Variants in PTPRD observed in about 807,000 individuals in gnomAD.
PTPRD encodes the protein receptor-type tyrosine-protein phosphatase delta.
PTPRD carries 34 observed loss-of-function variants against 214.5 expected under a neutral mutation model. The observed-to-expected ratio is 0.16, with a 90% CI of 0.12 to 0.21. The LOEUF (loss-of-function observed/expected upper bound fraction) is 0.21. Among genes scored for constraint, PTPRD ranks in the 10% least tolerant of loss-of-function variants. The pLI is 1.00. For synonymous variants in PTPRD, 1,128 were observed against 845.7 expected (o/e 1.33, Z -5.79); for missense variants, 2,545 against 2,398.7 (o/e 1.06, Z -1.27).
intron 9 of PTPRD, among the ~76,000 whole-genome samples, chr9:9,273,398 GCTCT>G (rs1321339689): frequency 6.6e-6 from 1 of 151,174 alleles, no homozygotes; most frequent in Non-Finnish European, 1.5e-5. Flanking sequence ...TCTTGAAATA[GCTCT>G]CTCTGTGTCT....
chr9:9,427,028 C>T lies in PTPRD; in HGVS notation c.-236-29546G>A, dbSNP rs147007433. Among the ~76,000 whole-genome samples the T allele has an allele frequency of 8.7e-3, 1,318 of 152,274 alleles. 12 individuals carry two copies. Among genetic ancestry groups the T allele is most frequent in the African/African-American group, 0.028 (1,182 of 41,546 alleles). Reference sequence around the variant, plus strand: ...TCTCCTCCAAAGGAATGTAGCTCCTCGCCAGCAATGGAACAAAGCTGAACG... The same window carrying T: ...TCTCCTCCAAAGGAATGTAGCTCCTTGCCAGCAATGGAACAAAGCTGAACG... On this transcript the variant is annotated intron_variant, in intron 8 of 45. Transcript: ENST00000381196.
chr9:8,515,059 A>C (rs536856939), intron 21 of PTPRD, among the ~76,000 whole-genome samples: 3 of 152,236 alleles, frequency 2.0e-5, no homozygotes, highest in African/African-American at 7.2e-5. Context: ...AGTCGATTAA[A>C]CCTCTTTCCT....
chr9:9,965,114 CA>C (rs2094595749), intron 4 of PTPRD, among the ~76,000 whole-genome samples: 1 of 152,060 alleles, frequency 6.6e-6, no homozygotes, highest in Non-Finnish European at 1.5e-5. Context: ...ACACAGAGTC[CA>C]AATTAGCAAA....
intron 9 of PTPRD, among the ~76,000 whole-genome samples, chr9:9,192,007 C>CTG (rs1267173116): frequency 6.6e-6 from 1 of 151,834 alleles, no homozygotes; most frequent in Non-Finnish European, 1.5e-5. Flanking sequence ...AATAGCTAAC[C>CTG]CAATTCCTGT....
At chr9:10,604,397 AATCCTGG>A (rs1329137742) in intron 2 of PTPRD, among the ~76,000 whole-genome samples, 1 of 151,820 alleles carries the variant, frequency 6.6e-6, no homozygotes, top group Non-Finnish European at 1.5e-5. Flanking sequence ...TGTTTTATTA[AATCCTGG>A]CATGTTTTCC....
chr9:8,784,664 G>T (rs1423037392), intron 11 of PTPRD, among the ~76,000 whole-genome samples: 1 of 151,828 alleles, frequency 6.6e-6, no homozygotes, highest in East Asian at 1.9e-4. Context: ...TTTAAAGCGT[G>T]AATAAATTTT....
chr9:9,324,071 T>G (rs1044782394), intron 9 of PTPRD, among the ~76,000 whole-genome samples: 1 of 152,340 alleles, frequency 6.6e-6, no homozygotes, highest in East Asian at 1.9e-4. Context: ...TGCCACATTT[T>G]CTTAATCCAG....
At chr9:9,979,973 C>T (rs2095484870) in intron 4 of PTPRD, among the ~76,000 whole-genome samples, 1 of 152,082 alleles carries the variant, frequency 6.6e-6, no homozygotes, top group African/African-American at 2.4e-5. Context: ...ATCATAGACT[C>T]TTGTTGTATT....
intron 11 of PTPRD, among the ~76,000 whole-genome samples, chr9:8,786,069 G>T (rs1440905717): frequency 6.7e-6 from 1 of 150,118 alleles, no homozygotes; most frequent in South Asian, 2.1e-4. Context: ...GTGTGTGTGT[G>T]TACCTCATAC....
chr9:10,100,222 A>G (rs1301224010), intron 3 of PTPRD, among the ~76,000 whole-genome samples: 1 of 151,726 alleles, frequency 6.6e-6, no homozygotes, highest in Non-Finnish European at 1.5e-5. Flanking sequence ...CAACAAACTG[A>G]GAATGTTTAG....
chr9:10,334,047 G>C (rs1453189661), intron 3 of PTPRD, among the ~76,000 whole-genome samples: 1 of 151,672 alleles, frequency 6.6e-6, no homozygotes, highest in Non-Finnish European at 1.5e-5. Flanking sequence ...AGTATATATA[G>C]TGGAAAGAAT....
At chr9:9,116,472 A>C (rs2099812449) in intron 10 of PTPRD, among the ~76,000 whole-genome samples, 1 of 151,810 alleles carries the variant, frequency 6.6e-6, no homozygotes, top group African/African-American at 2.4e-5. Flanking sequence ...AGAAGTGGGG[A>C]GGGTAGGAGG....
At chr9:9,150,093 G>C (rs2099875352) in intron 10 of PTPRD, among the ~76,000 whole-genome samples, 1 of 152,144 alleles carries the variant, frequency 6.6e-6, no homozygotes, top group African/African-American at 2.4e-5. Flanking sequence ...TGAAATTACA[G>C]ATCCAGAAAG....
At chr9:10,360,994 C>T (rs1280541684) in intron 2 of PTPRD, among the ~76,000 whole-genome samples, 3 of 152,036 alleles carry the variant, frequency 2.0e-5, no homozygotes, top group African/African-American at 2.4e-5. Flanking sequence ...CCCAGCTACT[C>T]GGGAGGCTGA....
At chr9:9,545,800 A>C (rs143234732) in intron 8 of PTPRD, among the ~76,000 whole-genome samples, 1 of 151,870 alleles carries the variant, frequency 6.6e-6, no homozygotes, top group African/African-American at 2.4e-5. Flanking sequence ...TGTTCATATA[A>C]ACTTTAGAAT....
chr9:10,344,253 C>G (rs2097017073), intron 2 of PTPRD, among the ~76,000 whole-genome samples: 1 of 151,904 alleles, frequency 6.6e-6, no homozygotes. Context: ...ATATGGCTAG[C>G]CAGTTTTCCC....
At chr9:9,820,467 T>A (rs558188470) in intron 5 of PTPRD, among the ~76,000 whole-genome samples, 1 of 152,310 alleles carries the variant, frequency 6.6e-6, no homozygotes, top group East Asian at 1.9e-4. Flanking sequence ...ACATTTGTTA[T>A]GCAGAAGCTC....
intron 8 of PTPRD, among the ~76,000 whole-genome samples, chr9:9,556,841 C>A (rs182658566): frequency 1.4e-3 from 218 of 152,242 alleles, no homozygotes; most frequent in Non-Finnish European, 1.7e-3. Context: ...CAGTGCCTTG[C>A]AGGGTCCTTT....
chr9:8,862,363 A>G (rs1313053050), intron 11 of PTPRD: 1 of 152,208 alleles, frequency 6.6e-6, no homozygotes, highest in Non-Finnish European at 1.5e-5. Context: ...CTCAAGAATA[A>G]ATTAAAAAGC....
Sources: allele counts gnomAD v4.1 joint callset (sites outside exome capture counted in the v4.1 genomes callset), GRCh38; gene constraint gnomAD v4.1.1; transcripts MANE v1.5; gene names NCBI Gene and HGNC (gene_info 2026-07-23, HGNC 2026-07-21).